FLOT2: variants seen among roughly 807,000 people sequenced by gnomAD.
FLOT2 encodes the protein flotillin-2.
FLOT2 carries 35 observed loss-of-function variants against 54.9 expected under a neutral mutation model. The ratio of observed to expected loss-of-function variants is 0.64; its 90% CI spans 0.49 to 0.84. The LOEUF (loss-of-function observed/expected upper bound fraction) is 0.84. Among genes scored for constraint, FLOT2 ranks in the 40% least tolerant of loss-of-function variants. The pLI, the probability that FLOT2 is intolerant of heterozygous loss-of-function variation, is 0.00. For synonymous variants in FLOT2, 207 were observed against 228.9 expected, an observed-to-expected ratio of 0.90 and a Z score of 0.86; for missense variants, 464 against 572.1, an observed-to-expected ratio of 0.81 and a Z score of 1.93.
Position 28,884,176 on chromosome 17 carries a change from G to T in FLOT2, c.222+49C>A, listed in dbSNP as rs368311864. 6 of 1,387,196 alleles carry T rather than the reference G, an allele frequency of 4.3e-6. No individual in the cohort carries two copies. The highest frequency in any genetic ancestry group is 3.3e-5 in the Admixed American group (2 of 59,724). The allele number at this position is 1,387,196 out of a possible 1,614,324, so 85.9% of individuals were successfully genotyped here. A position where few individuals can be genotyped will look rare whatever the true frequency, so the allele number is the denominator to read the frequency against. The stretch of plus-strand genomic sequence containing the variant: ...TCCTCCTCCCCCCGAACCCGAGTAC[G>T]GGACCAGGCAGCTCAACGGACATGC... On this transcript the variant is annotated intron_variant, in intron 3 of 10. Coordinates refer to ENST00000394908, the MANE Select transcript of FLOT2 (RefSeq NM_004475.3). The surrounding 1 kb of genome is among the most constrained non-coding windows in gnomAD (Gnocchi z 5.1).
intron 1 of FLOT2, 108 bp from the exon 2 acceptor site, chr17:28,889,134 G>A (rs78073990): frequency 0.11 from 91,686 of 834,660 alleles, 5,912 homozygotes; most frequent in African/African-American, 0.22. Context: ...ACTTGACAAC[G>A]CCTACTGTTG....
Position 28,884,260 on chromosome 17 carries a change from C to T in FLOT2, c.187G>A (p.Glu63Lys). The T allele has an allele frequency of 4.3e-6, 7 of 1,613,700 alleles. No individual in the cohort carries two copies. Among genetic ancestry groups the T allele is most frequent in the South Asian group, 1.1e-5 (1 of 91,062 alleles). Residue 63 changes from glutamate to lysine, a missense_variant, in exon 3 of 11, where the codon GAG becomes AAG. Coordinates refer to ENST00000394908, the MANE Select transcript of FLOT2 (RefSeq NM_004475.3). This position sits in a 1 kb window ranked among gnomAD's most constrained non-coding sequence, Gnocchi z 5.1. The stretch of plus-strand genomic sequence containing the variant: ...CCCGTCACAGTTAAAGCTACCCCCT[C>T]GGCCGTCTCTACGTCCTCGCAGCGG... ...QPRCEDVETAEGVALTVTGVA... is the reference protein window; with the variant it reads ...QPRCEDVETAKGVALTVTGVA...
In FLOT2 at chr17:28,885,700, G is replaced by C. The variant is rs1186864194; in HGVS notation, c.132-1385C>G. On this transcript the variant is annotated intron_variant, in intron 2 of 10. Transcript: ENST00000394908. ...GGGCAAGGGACCTGGGGATGTACAG[G>C]GATCCATCCTGGCACCCAGAGCAGT... 14 of 719,270 alleles carry C rather than the reference G, an allele frequency of 1.9e-5. No homozygotes were observed. The South Asian group carries it at 2.1e-4, about 11-fold the overall frequency. 44.6% of individuals were successfully genotyped at this position (719,270 alleles called of 1,614,324 possible). A position where few individuals can be genotyped will look rare whatever the true frequency, so the allele number is the denominator to read the frequency against.
intron 1 of FLOT2, among the ~76,000 whole-genome samples, chr17:28,891,624 CAT>C (rs1598100121): frequency 6.6e-6 from 1 of 152,352 alleles, no homozygotes; most frequent in Non-Finnish European, 1.5e-5. Context: ...CCTCTAGCAA[CAT>C]ATGACTGTTG....
Position 28,884,072 on chromosome 17 carries a change from G to A in FLOT2, c.222+153C>T, listed in dbSNP as rs1018641367. ...GGCCCGGTGAGCATGTTCCAGTGGC[G>A]ACGACCTGACTAGCCCTCTCTTGTG... On this transcript the variant is annotated intron_variant, in intron 3 of 10. Transcript: ENST00000394908. The surrounding 1 kb of genome is among the most constrained non-coding windows in gnomAD (Gnocchi z 5.1). 6.6e-5 allele frequency among the ~76,000 whole-genome samples: 10 copies of A among 152,288 alleles called. No homozygotes were observed. The East Asian group carries it at 9.7e-4, about 15-fold the overall frequency.
intron 2 of FLOT2, chr17:28,885,893 C>G: frequency 6.5e-7 from 1 of 1,550,282 alleles, no homozygotes; most frequent in Non-Finnish European, 8.7e-7. Context: ...GAACCCCCTC[C>G]GACGTCTCAA....
At chr17:28,886,258 T>C (rs546468034) in intron 2 of FLOT2, among the ~76,000 whole-genome samples, 1 of 152,344 alleles carries the variant, frequency 6.6e-6, no homozygotes, top group African/African-American at 2.4e-5. Flanking sequence ...AGGAGGCTTG[T>C]GCACAGGGCA....
Position 28,881,666 on chromosome 17 carries a change from A to G in FLOT2, c.914+148T>C, listed in dbSNP as rs1260986220. 4 of 740,990 alleles carry G rather than the reference A, an allele frequency of 5.4e-6. No homozygotes were observed. The East Asian group carries it at 1.1e-4, about 20-fold the overall frequency. 45.9% of individuals were successfully genotyped at this position (740,990 alleles called of 1,614,324 possible). A position where few individuals can be genotyped will look rare whatever the true frequency, so the allele number is the denominator to read the frequency against. Reference sequence around the variant, plus strand: ...TCCCAACAGCAGTCCCACAGGGGACATGGGGTTATCCTCACTTCACAGTGA... The same window carrying G: ...TCCCAACAGCAGTCCCACAGGGGACGTGGGGTTATCCTCACTTCACAGTGA... On this transcript the variant is annotated intron_variant, in intron 8 of 10. Transcript: ENST00000394908.
chr17:28,884,707 G>A lies in FLOT2; in HGVS notation c.132-392C>T, dbSNP rs1420713355. Among the ~76,000 whole-genome samples, 1 of 152,200 alleles carries A rather than the reference G, an allele frequency of 6.6e-6. No individual in the cohort carries two copies. On this transcript the variant is annotated intron_variant, in intron 2 of 10. Coordinates refer to ENST00000394908, the MANE Select transcript of FLOT2 (RefSeq NM_004475.3). The surrounding 1 kb of genome is among the most constrained non-coding windows in gnomAD (Gnocchi z 5.1). The stretch of plus-strand genomic sequence containing the variant: ...CCTGCTGTGCAGGCCATCCGTGGAT[G>A]TCAACTGAGCCTCCCACAGGGGCCC...
rs759866053 is a variant in FLOT2 at position 28,884,279 on chromosome 17, G to A, written c.168C>T (p.Cys56=). ...CCCCCTCGGCCGTCTCTACGTCCTC[G>A]CAGCGGGGCTGCAACGTCATAATCT... ...SLEIMTLQPR[C]EDVETAEGVA... Residue 56 remains cysteine (C), a synonymous_variant, in exon 3 of 11, where the codon TGC becomes TGT. Transcript: ENST00000394908. The surrounding 1 kb of genome is among the most constrained non-coding windows in gnomAD (Gnocchi z 5.1). 22 of 1,612,972 alleles carry A rather than the reference G, an allele frequency of 1.4e-5. No homozygotes were observed. The highest frequency in any genetic ancestry group is 1.0e-4 in the Admixed American group (6 of 59,878).
Position 28,883,252 on chromosome 17 carries a change from G to T in FLOT2, c.223-21C>A. On this transcript the variant is annotated intron_variant, in intron 3 of 10. Coordinates refer to ENST00000394908, the MANE Select transcript of FLOT2 (RefSeq NM_004475.3). This position sits in a 1 kb window ranked among gnomAD's most constrained non-coding sequence, Gnocchi z 5.0. ...TTCACCTGTCAGTGACGACAAAGGCGCTTCAGCTAGGCTGGAGCGAGGCAG... is the reference window on the plus strand; with the variant it reads ...TTCACCTGTCAGTGACGACAAAGGCTCTTCAGCTAGGCTGGAGCGAGGCAG... 6.2e-7 allele frequency: 1 copy of T among 1,613,790 alleles called. No homozygotes were observed.
rs1386301133 is a variant in FLOT2 at position 28,897,620 on chromosome 17, A to G, written c.-46T>C. 4.7e-6 allele frequency: 7 copies of G among 1,498,164 alleles called. No homozygotes were observed. The highest frequency in any genetic ancestry group is 6.2e-6 in the Non-Finnish European group (7 of 1,120,140). 92.8% of individuals were successfully genotyped at this position (1,498,164 alleles called of 1,614,324 possible). A position where few individuals can be genotyped will look rare whatever the true frequency, so the allele number is the denominator to read the frequency against. ...CCCTCGGGACCGCACAGACCCGGAC[A>G]ACAGCAGCGGGTCTGCAGCGCCGGC... On this transcript the variant is annotated 5_prime_UTR_variant, in exon 1 of 11. Coordinates refer to ENST00000394908, the MANE Select transcript of FLOT2 (RefSeq NM_004475.3). This position sits in a 1 kb window ranked among gnomAD's most constrained non-coding sequence, Gnocchi z 4.4.
chr17:28,886,280 C>T (rs1416565679), intron 2 of FLOT2, among the ~76,000 whole-genome samples: 3 of 152,228 alleles, frequency 2.0e-5, no homozygotes, highest in Admixed American at 6.5e-5. Context: ...CTGGGTTGCC[C>T]GCCACCTCAC....
intron 2 of FLOT2, 38 bp downstream of exon 2, chr17:28,888,907 C>T (rs746298865): frequency 3.9e-6 from 6 of 1,548,800 alleles, no homozygotes; most frequent in African/African-American, 2.7e-5. Context: ...TCTCCCTGGC[C>T]CACTCCATGA....
chr17:28,880,667 C>A (rs371925989), intron 10 of FLOT2, 46 bp downstream of exon 10: 4 of 1,613,628 alleles, frequency 2.5e-6, no homozygotes, highest in Non-Finnish European at 3.4e-6. Flanking sequence ...TGGGCCAGTC[C>A]GACGGGCTAC....
intron 8 of FLOT2, 99 bp downstream of exon 8, chr17:28,881,715 A>C (rs1245053461): frequency 1.9e-6 from 2 of 1,039,244 alleles, no homozygotes; most frequent in African/African-American, 3.1e-5. Flanking sequence ...GTGGAGGGGG[A>C]GAAGTGGCTT....
At position 28,880,424 on chromosome 17, in the gene FLOT2, G is replaced by A. The variant is rs771459050; in HGVS notation, c.*137C>T. 1.1e-5 allele frequency: 17 copies of A among 1,510,896 alleles called. No homozygotes were observed. The highest frequency in any genetic ancestry group is 1.3e-5 in the South Asian group (1 of 74,292). 93.6% of individuals were successfully genotyped at this position (1,510,896 alleles called of 1,614,324 possible). A position where few individuals can be genotyped will look rare whatever the true frequency, so the allele number is the denominator to read the frequency against. ...GAGAGACAGGAAGACAGCCAGAGATGGCCTGAACACGCAGCACTTCTGGTC... is the reference window on the plus strand; with the variant it reads ...GAGAGACAGGAAGACAGCCAGAGATAGCCTGAACACGCAGCACTTCTGGTC... On this transcript the variant is annotated 3_prime_UTR_variant, in exon 11 of 11. Transcript: ENST00000394908.
In FLOT2 at chr17:28,882,565, C is replaced by T. The variant is rs748950137; in HGVS notation, c.465+8G>A. On this transcript the variant is annotated splice_region_variant and intron_variant, in intron 5 of 10. Transcript: ENST00000394908. The surrounding 1 kb of genome is among the most constrained non-coding windows in gnomAD (Gnocchi z 5.6). ...CGCCAGGAGATACAGCTTCCCATCA[C>T]GTCGTACCTTGATGGTGAAGCTGAG... is the stretch of plus-strand genomic sequence containing the variant. 5.6e-5 allele frequency: 89 copies of T among 1,595,374 alleles called. No individual in the cohort carries two copies. Among genetic ancestry groups the T allele is most frequent in the Non-Finnish European group, 7.4e-5 (86 of 1,162,996 alleles).
chr17:28,880,399 G>T lies in FLOT2; in HGVS notation c.*162C>A. Reference sequence around the variant, plus strand: ...GGAAGAGGAGGAGGTGGACAGACAGGAGAGACAGGAAGACAGCCAGAGATG... The same window carrying T: ...GGAAGAGGAGGAGGTGGACAGACAGTAGAGACAGGAAGACAGCCAGAGATG... On this transcript the variant is annotated 3_prime_UTR_variant, in exon 11 of 11. Transcript: ENST00000394908. 6.7e-7 allele frequency: 1 copy of T among 1,486,942 alleles called. No individual in the cohort carries two copies. The highest frequency in any genetic ancestry group is 1.4e-5 in the South Asian group (1 of 71,476). The allele number at this position is 1,486,942 out of a possible 1,614,324, so 92.1% of individuals were successfully genotyped here. A position where few individuals can be genotyped will look rare whatever the true frequency, so the allele number is the denominator to read the frequency against.
Sources: allele counts gnomAD v4.1 joint callset (sites outside exome capture counted in the v4.1 genomes callset), GRCh38; gene constraint gnomAD v4.1.1; non-coding constraint Gnocchi (gnomAD v3.1); transcripts MANE v1.5; gene names NCBI Gene and HGNC (gene_info 2026-07-23, HGNC 2026-07-21).